The following BRI3BP variants were observed in gnomAD, a reference collection of about 807,000 sequenced individuals.
BRI3BP encodes BRI3-binding protein.
A neutral mutation model predicts 15.8 loss-of-function variants in BRI3BP; 7 were observed. The observed-to-expected ratio is 0.44, with a 90% CI of 0.25 to 0.83. BRI3BP has a LOEUF of 0.83. BRI3BP is among the 40% of genes least tolerant of loss of function. The pLI is 0.20. For missense variants in BRI3BP, 320 were observed against 339.3 expected, an observed-to-expected ratio of 0.94 and a Z score of 0.45; for synonymous variants, 192 against 163.5, an observed-to-expected ratio of 1.17 and a Z score of -1.33.
rs1212502068 is a variant in BRI3BP, at chr12:125,025,551, C to T, written c.*121C>T. 1.7e-5 allele frequency: 18 copies of T among 1,061,092 alleles called. No homozygotes were observed. Among genetic ancestry groups the T allele is most frequent in the Non-Finnish European group, 2.2e-5 (17 of 760,566 alleles). 65.7% of individuals were successfully genotyped at this position (1,061,092 alleles called of 1,614,324 possible). On this transcript the variant is annotated 3_prime_UTR_variant, in exon 3 of 3. Coordinates refer to ENST00000341446, the MANE Select transcript of BRI3BP (RefSeq NM_080626.6). ...AACACGACTGAGCAAGAAAGTGGCG[C>T]TGTGTAGGGCTATTTCCACCCACCC...
At chr12:124,997,667 G>T (rs780599891) in intron 1 of BRI3BP, among the ~76,000 whole-genome samples, 1 of 152,118 alleles carries the variant, frequency 6.6e-6, no homozygotes. Context: ...CTGGTAGGAG[G>T]TAATAGACTT....
At chr12:125,015,812 CTG>C (rs752947736) in intron 2 of BRI3BP, among the ~76,000 whole-genome samples, 54 of 152,384 alleles carry the variant, frequency 3.5e-4, no homozygotes, top group Middle Eastern at 3.4e-3. Context: ...CCAGAGGACA[CTG>C]TGCACCTGGC....
the BRI3BP span, among the ~76,000 whole-genome samples, chr12:125,050,671 G>A: frequency 6.6e-6 from 1 of 152,348 alleles, no homozygotes. Context: ...TGCTCTTGGA[G>A]GCACATAAAG....
chr12:125,011,350 A>G (rs1955195307), intron 1 of BRI3BP, among the ~76,000 whole-genome samples: 1 of 152,158 alleles, frequency 6.6e-6, no homozygotes, highest in East Asian at 1.9e-4. Flanking sequence ...CCAGTAGACC[A>G]CTTGGTGGCA....
chr12:125,014,454 C>T (rs7977396), intron 2 of BRI3BP, among the ~76,000 whole-genome samples: 21,119 of 152,200 alleles, frequency 0.14, 1,556 homozygotes, highest in Admixed American at 0.16. Flanking sequence ...GACGGAAGGA[C>T]GCAAACACCA....
At chr12:125,022,537 A>ATTTTTTTTTTTTTTTT (rs1391143992) in intron 2 of BRI3BP, among the ~76,000 whole-genome samples, 3 of 70,616 alleles carry the variant, frequency 4.2e-5, no homozygotes, top group African/African-American at 1.6e-4. Flanking sequence ...TTATTTATTT[A>ATTTTTTTTTTTTTTTT]TTTATTTTTT....
rs202194939 is a variant in BRI3BP at position 125,003,956 on chromosome 12, AACACACACAC to A, written c.214-8540_214-8531del. ...CGACAGAGCGAGACTCCATCTCAAA[AACACACACAC>A]ACACACACACACACACACACACACA... is the stretch of plus-strand genomic sequence containing the variant. On this transcript the variant is annotated intron_variant, in intron 1 of 2. Coordinates refer to ENST00000341446, the MANE Select transcript of BRI3BP (RefSeq NM_080626.6). Among the ~76,000 whole-genome samples, 22 of 38,154 alleles carry A rather than the reference AACACACACAC, an allele frequency of 5.8e-4. 1 individual carries two copies. Among genetic ancestry groups the A allele is most frequent in the Admixed American group, 3.1e-3 (11 of 3,550 alleles). The allele number at this position is 38,154 out of a possible 152,430, so 25.0% of individuals were successfully genotyped here. A position where few individuals can be genotyped will look rare whatever the true frequency, so the allele number is the denominator to read the frequency against.
chr12:125,008,290 CTCTTCTTTCTTTTTTTTTTTTTTTTTTT>C (rs1270594754), intron 1 of BRI3BP, among the ~76,000 whole-genome samples: 1 of 147,048 alleles, frequency 6.8e-6, no homozygotes, highest in Non-Finnish European at 1.5e-5. Flanking sequence ...AGTCACCCTC[CTCTTCTTTCTTTTTTTTTTTTTTTTTTT>C]TTTGATTTTT....
chr12:125,031,780 G>A (rs1269479796), downstream of BRI3BP, among the ~76,000 whole-genome samples: 5 of 151,698 alleles, frequency 3.3e-5, no homozygotes, highest in African/African-American at 7.3e-5. Flanking sequence ...CGCCCGTTTC[G>A]GCCTCCCAAA....
chr12:125,046,133 T>C, the BRI3BP span, among the ~76,000 whole-genome samples: 3 of 151,040 alleles, frequency 2.0e-5, no homozygotes, highest in African/African-American at 7.3e-5. Flanking sequence ...CCATTGACTC[T>C]AGCCTGAGGG....
At chr12:125,022,144 T>A (rs1955304557) in intron 2 of BRI3BP, among the ~76,000 whole-genome samples, 2 of 150,608 alleles carry the variant, frequency 1.3e-5, no homozygotes, top group Non-Finnish European at 1.5e-5. Context: ...CTGAATCAGA[T>A]GTCCTGGGGG....
In BRI3BP at chr12:125,025,706, G is replaced by T; in HGVS notation, c.*276G>T. 2.8e-6 allele frequency: 1 copy of T among 360,694 alleles called. No homozygotes were observed. 22.3% of individuals were successfully genotyped at this position (360,694 alleles called of 1,614,324 possible). A position where few individuals can be genotyped will look rare whatever the true frequency, so the allele number is the denominator to read the frequency against. ...ATAACCATATTTAGTTGTACAGTAA[G>T]AGAAATTTATCTGTGCATAGAGCAT... On this transcript the variant is annotated 3_prime_UTR_variant, in exon 3 of 3. Transcript: ENST00000341446.
At chr12:124,995,643 A>G (rs954233541) in intron 1 of BRI3BP, among the ~76,000 whole-genome samples, 5 of 152,192 alleles carry the variant, frequency 3.3e-5, no homozygotes, top group Non-Finnish European at 5.9e-5. Context: ...AATGATTACT[A>G]AGTGCTTTTG....
downstream of BRI3BP, among the ~76,000 whole-genome samples, chr12:125,034,750 C>T (rs963064378): frequency 3.9e-5 from 6 of 152,070 alleles, no homozygotes; most frequent in Non-Finnish European, 4.4e-5. Flanking sequence ...CCACCACGCC[C>T]AGCTAATTTT....
the BRI3BP span, among the ~76,000 whole-genome samples, chr12:125,047,469 G>A: frequency 0.14 from 20,643 of 151,092 alleles, 1,743 homozygotes; most frequent in East Asian, 0.25. Context: ...CACCGCACCC[G>A]GCCTTTTTTT....
Position 125,025,262 on chromosome 12 carries a change from C to A in BRI3BP, c.588C>A (p.Phe196Leu). The change falls in exon 3 of 3, where the codon TTC (phenylalanine) becomes TTA (leucine). Residue 196 changes from phenylalanine (F) to leucine (L), a missense_variant. Transcript: ENST00000341446. Reference sequence around the variant, plus strand: ...TGTGCTTCGTGGTGGCCGTCTACTTCATGACCGGGCCCATGGGCTTCTACT... The same window carrying A: ...TGTGCTTCGTGGTGGCCGTCTACTTAATGACCGGGCCCATGGGCTTCTACT... ...LPLCFVVAVYFMTGPMGFYWR... is the reference protein window; with the variant it reads ...LPLCFVVAVYLMTGPMGFYWR... The A allele has an allele frequency of 6.2e-7, 1 of 1,614,158 alleles. No homozygotes were observed. Among genetic ancestry groups the A allele is most frequent in the Non-Finnish European group, 8.5e-7 (1 of 1,180,038 alleles).
chr12:125,048,084 T>C, the BRI3BP span, among the ~76,000 whole-genome samples: 1 of 150,722 alleles, frequency 6.6e-6, no homozygotes, highest in Non-Finnish European at 1.5e-5. Flanking sequence ...TTTGGGTGGA[T>C]AGTTGAGTTG....
chr12:125,011,444 A>G (rs1198756919), intron 1 of BRI3BP, among the ~76,000 whole-genome samples: 1 of 152,184 alleles, frequency 6.6e-6, no homozygotes, highest in Non-Finnish European at 1.5e-5. Flanking sequence ...GCCTGGCTCC[A>G]GGTGTACCAT....
chr12:125,004,750 C>T (rs113725482), intron 1 of BRI3BP, among the ~76,000 whole-genome samples: 9 of 152,086 alleles, frequency 5.9e-5, no homozygotes, highest in Non-Finnish European at 1.2e-4. Flanking sequence ...GGATCCCACC[C>T]GATATTTGGT....
Sources: allele counts gnomAD v4.1 joint callset (sites outside exome capture counted in the v4.1 genomes callset), GRCh38; gene constraint gnomAD v4.1.1; transcripts MANE v1.5; gene names NCBI Gene and HGNC (gene_info 2026-07-23, HGNC 2026-07-21).